The following PPFIA2 variants were observed in gnomAD, a reference collection of about 807,000 sequenced individuals.
PPFIA2 encodes PPFI scaffold protein A2.
Under a neutral mutation model 175.5 loss-of-function variants are expected in PPFIA2, and 46 were observed. The observed-to-expected ratio is 0.26, with a 90% CI of 0.21 to 0.34. PPFIA2 has a LOEUF of 0.34. PPFIA2 is among the 10% of genes least tolerant of loss of function. The probability of loss-of-function intolerance (pLI) is 1.00; values close to 1 mark genes in which losing one functional copy is unlikely to be tolerated. For synonymous variants in PPFIA2, 568 were observed against 511.4 expected, an observed-to-expected ratio of 1.11 and a Z score of -1.49; for missense variants, 1,179 against 1,506.1, an observed-to-expected ratio of 0.78 and a Z score of 3.60.
chr12:81,638,688 T>TTTTC (rs1458962212), intron 4 of PPFIA2, among the ~76,000 whole-genome samples: 1 of 125,950 alleles, frequency 7.9e-6, no homozygotes, highest in African/African-American at 3.2e-5. Context: ...TTTTCTTTTT[T>TTTTC]TTTTTTTTTT....
intron 4 of PPFIA2, among the ~76,000 whole-genome samples, chr12:81,625,154 C>CAT (rs754326797): frequency 1.4e-4 from 21 of 151,478 alleles, no homozygotes; most frequent in Middle Eastern, 3.4e-3. Context: ...TATATACACA[C>CAT]ATATATATAT....
chr12:81,268,113 G>A, intron 28 of PPFIA2, 26 bp from the exon 29 acceptor site: 1 of 1,418,184 alleles, frequency 7.1e-7, no homozygotes, highest in South Asian at 1.3e-5. Context: ...CATCATTTTA[G>A]GATGCATTAT....
intron 22 of PPFIA2, chr12:81,312,001 C>T (rs1171140820): frequency 1.5e-6 from 1 of 646,910 alleles, no homozygotes; most frequent in African/African-American, 1.8e-5. Context: ...ACCAATGATT[C>T]CTTTTACTGT....
chr12:81,269,325 C>T (rs1365688083), intron 28 of PPFIA2, among the ~76,000 whole-genome samples: 1 of 152,050 alleles, frequency 6.6e-6, no homozygotes, highest in Non-Finnish European at 1.5e-5. Flanking sequence ...ACTATAATTA[C>T]TATTAAAGTA....
Position 81,259,442 on chromosome 12 carries a change from T to C in PPFIA2, c.*252A>G. The C allele has an allele frequency of 4.5e-6, 3 of 660,718 alleles. No homozygotes were observed. Among genetic ancestry groups the C allele is most frequent in the Non-Finnish European group, 8.1e-6 (3 of 371,132 alleles). 40.9% of individuals were successfully genotyped at this position (660,718 alleles called of 1,614,324 possible). On this transcript the variant is annotated 3_prime_UTR_variant, in exon 33 of 33. Transcript: ENST00000549396. ...CATCTGTTGTACAGAGTTTATGATG[T>C]AGATGATGTTTATTATTCAAATGAC...
intron 4 of PPFIA2, among the ~76,000 whole-genome samples, chr12:81,491,205 C>CT (rs769765539): frequency 0.082 from 10,649 of 129,904 alleles, 455 homozygotes; most frequent in East Asian, 0.21. Flanking sequence ...TCTGGAATTA[C>CT]TTTTTTTGTT....
intron 21 of PPFIA2, among the ~76,000 whole-genome samples, chr12:81,334,288 T>C (rs977315772): frequency 6.6e-6 from 1 of 152,196 alleles, no homozygotes. Flanking sequence ...GAAGTTTTAG[T>C]TTTAAGTATA....
chr12:81,332,414 TC>T (rs2056310873), intron 21 of PPFIA2, among the ~76,000 whole-genome samples: 1 of 152,036 alleles, frequency 6.6e-6, no homozygotes, highest in African/African-American at 2.4e-5. Context: ...CAAAGATAGG[TC>T]CCGTTTGAAA....
At chr12:81,454,809 C>T (rs1318033064) in intron 5 of PPFIA2, among the ~76,000 whole-genome samples, 3 of 152,008 alleles carry the variant, frequency 2.0e-5, no homozygotes, top group Non-Finnish European at 4.4e-5. Context: ...AATTGGAATG[C>T]TCAATTACAC....
At chr12:81,423,867 A>G (rs2143993165) in intron 7 of PPFIA2, among the ~76,000 whole-genome samples, 1 of 152,286 alleles carries the variant, frequency 6.6e-6, no homozygotes. Context: ...TATAACTAAT[A>G]TCTATTTTAA....
chr12:81,464,650 G>A (rs1381064359), intron 4 of PPFIA2, among the ~76,000 whole-genome samples: 1 of 152,120 alleles, frequency 6.6e-6, no homozygotes, highest in Non-Finnish European at 1.5e-5. Flanking sequence ...CAGGGGCAAA[G>A]CATAGATTCA....
chr12:81,290,430 G>A (rs1429478767), intron 24 of PPFIA2, among the ~76,000 whole-genome samples: 2 of 151,800 alleles, frequency 1.3e-5, no homozygotes, highest in African/African-American at 4.8e-5. Flanking sequence ...TGTAGAGTGA[G>A]TAGAAGGAAG....
At position 81,375,799 on chromosome 12, in the gene PPFIA2, C is replaced by T. The variant is rs2036235170; in HGVS notation, c.1128G>A (p.Arg376=). ...AACCAAGACAGAGATACTGAACCTG[C>T]CGCAGGATAGCTTCTTTATTTGCTA... ...NELANKEAIL[R]QMEEKNRQLQ... is the part of the protein sequence containing the mutation. The change falls in exon 10 of 33, where the codon CGG becomes CGA. Residue 376 remains arginine, a synonymous_variant. Transcript: ENST00000549396. The T allele has an allele frequency of 2.5e-6, 4 of 1,605,534 alleles. No homozygotes were observed. In the Admixed American group the frequency reaches 6.7e-5, roughly 27 times the overall value.
intron 9 of PPFIA2, among the ~76,000 whole-genome samples, chr12:81,382,144 C>T (rs1191650002): frequency 6.6e-6 from 1 of 152,002 alleles, no homozygotes; most frequent in African/African-American, 2.4e-5. Flanking sequence ...GGTCAGGGGA[C>T]ATTTCACTGA....
intron 4 of PPFIA2, among the ~76,000 whole-genome samples, chr12:81,669,271 A>G (rs1023201417): frequency 1.3e-5 from 2 of 151,922 alleles, no homozygotes; most frequent in African/African-American, 2.4e-5. Flanking sequence ...TCACCTTTGT[A>G]ATTTTATTCC....
intron 4 of PPFIA2, among the ~76,000 whole-genome samples, chr12:81,483,913 C>A (rs572022215): frequency 2.6e-5 from 4 of 152,022 alleles, no homozygotes; most frequent in African/African-American, 9.6e-5. Context: ...CCTTCTCCCC[C>A]CTCCCTTTTT....
intron 3 of PPFIA2, among the ~76,000 whole-genome samples, chr12:81,717,369 G>A (rs1231080085): frequency 6.6e-6 from 1 of 151,634 alleles, no homozygotes; most frequent in Non-Finnish European, 1.5e-5. Context: ...ATAGATCATA[G>A]TTTGCTAGCT....
At chr12:81,734,348 A>G (rs977357345) in intron 3 of PPFIA2, among the ~76,000 whole-genome samples, 1 of 151,880 alleles carries the variant, frequency 6.6e-6, no homozygotes, top group Non-Finnish European at 1.5e-5. Context: ...AAAAAAATGC[A>G]TACAATCACA....
intron 4 of PPFIA2, among the ~76,000 whole-genome samples, chr12:81,588,183 T>C (rs1274983699): frequency 2.2e-5 from 3 of 135,686 alleles, no homozygotes; most frequent in Non-Finnish European, 5.1e-5. Context: ...AGGATGGGGT[T>C]GAATGGGAAT....
Sources: gnomAD v4.1 joint callset for allele counts (sites outside exome capture counted in the v4.1 genomes callset) on GRCh38, gnomAD v4.1.1 for gene constraint, MANE v1.5 for transcripts, NCBI Gene and HGNC (gene_info 2026-07-23, HGNC 2026-07-21) for gene names.